The following NPHS1 variants were observed in gnomAD, a reference collection of about 807,000 sequenced individuals.
NPHS1 encodes NPHS1 adhesion molecule, nephrin.
NPHS1 carries 107 observed loss-of-function variants against 139.7 expected under a neutral mutation model. The observed-to-expected ratio is 0.77, with a 90% CI of 0.66 to 0.90. The LOEUF is 0.90. Ranked by LOEUF, NPHS1 falls within the 40% of genes least tolerant of loss-of-function variation. The pLI is 0.00. For missense variants in NPHS1, 1,580 were observed against 1,654.2 expected (o/e 0.96, Z 0.78); for synonymous variants, 707 against 706.6 (o/e 1.00, Z -0.01).
chr19:35,826,747 G>T, intron 28 of NPHS1, 102 bp from the exon 29 acceptor site: 1 of 1,346,292 alleles, frequency 7.4e-7, no homozygotes, highest in African/African-American at 1.4e-5. Context: ...CCAGAAAAAA[G>T]TGTTTTAGCT....
intron 23 of NPHS1, among the ~76,000 whole-genome samples, chr19:35,832,436 C>T (rs1001055464): frequency 3.3e-5 from 5 of 151,942 alleles, no homozygotes; most frequent in Admixed American, 1.3e-4. Flanking sequence ...CCCAGCTACT[C>T]GGGACACTGA....
At position 35,846,003 on chromosome 19, in the gene NPHS1, C is replaced by G. The variant is rs771056065; in HGVS notation, c.1627+5G>C. 1.9e-6 allele frequency: 3 copies of G among 1,572,384 alleles called. No homozygotes were observed. The highest frequency in any genetic ancestry group is 2.6e-6 in the Non-Finnish European group (3 of 1,159,130). ...CCCCCGGGCCTCAGCAGTGCGAGCCCTCACACTGCACCGCCAGCTGCGTGG... is the reference window on the plus strand; with the variant it reads ...CCCCCGGGCCTCAGCAGTGCGAGCCGTCACACTGCACCGCCAGCTGCGTGG... On this transcript the variant is annotated splice_donor_5th_base_variant and intron_variant, in intron 12 of 28. Coordinates refer to ENST00000378910, the MANE Select transcript of NPHS1 (RefSeq NM_004646.4).
In NPHS1 at chr19:35,851,632, G is replaced by C. The variant is rs1237846687; in HGVS notation, c.99C>G (p.Gly33=). 10 of 1,613,970 alleles carry C rather than the reference G, an allele frequency of 6.2e-6. No individual in the cohort carries two copies. Among genetic ancestry groups the C allele is most frequent in the Non-Finnish European group, 7.6e-6 (9 of 1,179,944 alleles). ...TCAGGTTTTCAGGCAGGGCCCAGAA[G>C]CCCCGGGGAACGGAGGCAGGAATCG... ...QLAIPASVPR[G]FWALPENLTV... The change falls in exon 2 of 29, where the codon GGC becomes GGG. Residue 33 remains glycine, a synonymous_variant. Transcript: ENST00000378910.
In NPHS1 at chr19:35,848,640, C is replaced by T. The variant is rs764438982; in HGVS notation, c.1167G>A (p.Met389Ile). The T allele has an allele frequency of 7.4e-6, 12 of 1,613,508 alleles. No individual in the cohort carries two copies. In the Admixed American group the frequency reaches 1.8e-4, roughly 25 times the overall value. Reference protein sequence around the residue: ...RQLLPMEETVMDGLHGGHISM... With the variant: ...RQLLPMEETVIDGLHGGHISM... ...AGGAGCCTGGCCCCCGCCTCACATC[C>T]ATGACTGTCTCCTCCATGGGCAGCA... is the stretch of plus-strand genomic sequence containing the variant. The change falls in exon 9 of 29, where the codon ATG becomes ATA. Residue 389 changes from methionine (M) to isoleucine (I), a missense_variant. Transcript: ENST00000378910.
chr19:35,827,310 G>T (rs1972812111), intron 28 of NPHS1, among the ~76,000 whole-genome samples: 1 of 151,954 alleles, frequency 6.6e-6, no homozygotes, highest in Non-Finnish European at 1.5e-5. Context: ...TATTTTTAAA[G>T]AAATTAGCTA....
At chr19:35,827,716 G>A (rs756771085) in intron 28 of NPHS1, among the ~76,000 whole-genome samples, 1 of 152,088 alleles carries the variant, frequency 6.6e-6, no homozygotes, top group Non-Finnish European at 1.5e-5. Context: ...ATCAGGATTC[G>A]AGACCAGCCT....
At position 35,848,679 on chromosome 19, in the gene NPHS1, C is replaced by T. The variant is rs780276715; in HGVS notation, c.1128G>A (p.Leu376=). ...SRPRVLLRWW[L]GWRQLLPMEE... is the part of the protein sequence containing the mutation. ...CCATGGGCAGCAGCTGCCGCCAGCC[C>T]AGCCACCATCGTAGCAGAACCCGCG... The change falls in exon 9 of 29, where the codon CTG becomes CTA. Residue 376 remains leucine, a synonymous_variant. Transcript: ENST00000378910. 8 of 1,614,112 alleles carry T rather than the reference C, an allele frequency of 5.0e-6. No homozygotes were observed. Among genetic ancestry groups the T allele is most frequent in the Non-Finnish European group, 6.8e-6 (8 of 1,180,042 alleles).
At chr19:35,846,261 A>G in intron 11 of NPHS1, 67 bp from the exon 12 acceptor site, 5 of 1,499,040 alleles carry the variant, frequency 3.3e-6, no homozygotes, top group Non-Finnish European at 4.5e-6. Flanking sequence ...CAACCCCCCT[A>G]CCCTGCCCAC....
chr19:35,844,495 G>C (rs1973108128), intron 14 of NPHS1, 36 bp from the exon 15 acceptor site: 2 of 1,515,420 alleles, frequency 1.3e-6, no homozygotes, highest in East Asian at 4.9e-5. Context: ...CAAGATTGTT[G>C]TTAAGGTTAG....
chr19:35,846,503 G>T (rs1973145899), intron 11 of NPHS1, among the ~76,000 whole-genome samples: 2 of 152,260 alleles, frequency 1.3e-5, no homozygotes, highest in Admixed American at 1.3e-4. Context: ...GGCTCTCAGC[G>T]CACTCCTCAA....
rs762966879 is a variant in NPHS1, at chr19:35,850,465, T to C, written c.527-20A>G. The C allele has an allele frequency of 6.8e-6, 11 of 1,608,760 alleles. No homozygotes were observed. Among genetic ancestry groups the C allele is most frequent in the Middle Eastern group, 3.3e-4 (2 of 6,066 alleles). ...GTCCACCTTGGGGCAGCAAGAGGGC[T>C]AGAGGGGTTCCAGGCTCCCCGCAAG... On this transcript the variant is annotated intron_variant, in intron 4 of 28. Coordinates refer to ENST00000378910, the MANE Select transcript of NPHS1 (RefSeq NM_004646.4).
At position 35,845,692 on chromosome 19, in the gene NPHS1, C is replaced by A. The variant is rs1973129633; in HGVS notation, c.1734G>T (p.Leu578Phe). 6.2e-7 allele frequency: 1 copy of A among 1,614,002 alleles called. No individual in the cohort carries two copies. The highest frequency in any genetic ancestry group is 8.5e-7 in the Non-Finnish European group (1 of 1,179,922). Residue 578 changes from leucine (L) to phenylalanine (F), a missense_variant, in exon 13 of 29, where the codon TTG becomes TTT. Physicochemically the swap from Leu to Phe is conservative, Grantham distance 22. Transcript: ENST00000378910. This position sits in a 1 kb window ranked among gnomAD's most constrained non-coding sequence, Gnocchi z 5.5. ...VSVSSNPPVN[L>F]SWDKEGERLE... ...ACCTCTCCCCTTCCTTGTCCCAGGACAAGTTGACCGGCGGATTGCTGCTGA... is the reference window on the plus strand; with the variant it reads ...ACCTCTCCCCTTCCTTGTCCCAGGAAAAGTTGACCGGCGGATTGCTGCTGA...
Position 35,848,029 on chromosome 19 carries a change from C to T in NPHS1, c.1440+12G>A, listed in dbSNP as rs112404427. The T allele has an allele frequency of 1.8e-5, 29 of 1,613,314 alleles. No individual in the cohort carries two copies. In the African/African-American group the frequency reaches 2.4e-4, roughly 13 times the overall value. On this transcript the variant is annotated intron_variant, in intron 11 of 28. Transcript: ENST00000378910. ...TTCCTGGCCACCCCCATAGCCCTGG[C>T]GTGGCACCAACCTTGTACCACATGA...
Position 35,831,495 on chromosome 19 carries a change from A to T in NPHS1, c.3292T>A (p.Ser1098Thr). 3 of 1,613,718 alleles carry T rather than the reference A, an allele frequency of 1.9e-6. No homozygotes were observed. The highest frequency in any genetic ancestry group is 2.5e-6 in the Non-Finnish European group (3 of 1,179,928). ...ACTTACCCTGCCTCTGTCTTCTCTG[A>T]GATGCCTGAAGGAAACAGGAATAAA... ...RRLRRLAEGI[S>T]EKTEAGSEED... Residue 1098 changes from serine to threonine, a missense_variant, in exon 25 of 29, where the codon TCA (serine) becomes ACA (threonine). Physicochemically the swap from Ser to Thr is moderately conservative, Grantham distance 58. Transcript: ENST00000378910.
chr19:35,846,130 A>G lies in NPHS1; in HGVS notation c.1505T>C (p.Val502Ala). 6.3e-7 allele frequency: 1 copy of G among 1,597,588 alleles called. No homozygotes were observed. Among genetic ancestry groups the G allele is most frequent in the Non-Finnish European group, 8.5e-7 (1 of 1,173,376 alleles). Residue 502 changes from valine to alanine, a missense_variant, in exon 12 of 29, where the codon GTG becomes GCG. Val to Ala is a moderately conservative substitution (Grantham distance 64, BLOSUM62 0). Coordinates refer to ENST00000378910, the MANE Select transcript of NPHS1 (RefSeq NM_004646.4). ...QESRRVHLGS[V>A]EKSGSTFSRE... ...GGAGAAGGTGCTCCCAGATTTCTCCACGCTGCCGAGATGCACGCGCCGCGA... is the reference window on the plus strand; with the variant it reads ...GGAGAAGGTGCTCCCAGATTTCTCCGCGCTGCCGAGATGCACGCGCCGCGA...
At chr19:35,846,260 T>C in intron 11 of NPHS1, 66 bp from the exon 12 acceptor site, 1 of 1,499,544 alleles carries the variant, frequency 6.7e-7, no homozygotes, top group South Asian at 1.2e-5. Context: ...CCAACCCCCC[T>C]ACCCTGCCCA....
intron 23 of NPHS1, among the ~76,000 whole-genome samples, chr19:35,832,718 C>T (rs1568449623): frequency 6.6e-6 from 1 of 151,522 alleles, no homozygotes; most frequent in Non-Finnish European, 1.5e-5. Context: ...AAAACCCTGT[C>T]TCTACTAAAA....
chr19:35,849,721 G>T, intron 5 of NPHS1, 68 bp from the exon 6 acceptor site: 1 of 1,167,302 alleles, frequency 8.6e-7, no homozygotes. Context: ...AGGGAGAAGA[G>T]GTGGGGATGT....
At position 35,846,147 on chromosome 19, in the gene NPHS1, G is replaced by C. The variant is rs1973137793; in HGVS notation, c.1488C>G (p.Arg496=). ...TESRLPQESR[R]VHLGSVEKSG... The stretch of plus-strand genomic sequence containing the variant: ...ATTTCTCCACGCTGCCGAGATGCAC[G>C]CGCCGCGACTCCTGCGGCAGCCGCG... The change falls in exon 12 of 29, where the codon CGC becomes CGG. Residue 496 remains arginine, a synonymous_variant. Transcript: ENST00000378910. The C allele has an allele frequency of 6.3e-7, 1 of 1,597,418 alleles. No homozygotes were observed.
Sources: allele counts gnomAD v4.1 joint callset (sites outside exome capture counted in the v4.1 genomes callset), GRCh38; gene constraint gnomAD v4.1.1; non-coding constraint Gnocchi (gnomAD v3.1); transcripts MANE v1.5; gene names NCBI Gene and HGNC (gene_info 2026-07-23, HGNC 2026-07-21).